The following MSH5 variants were observed in gnomAD, a reference collection of about 807,000 sequenced individuals.
MSH5 encodes the protein mutS homolog 5.
MSH5 carries 78 observed loss-of-function variants against 107.7 expected under a neutral mutation model. The observed-to-expected ratio is 0.72, with a 90% CI of 0.60 to 0.87. MSH5 has a LOEUF of 0.87. Among genes scored for constraint, MSH5 ranks in the 40% least tolerant of loss-of-function variants. The probability of loss-of-function intolerance (pLI) is 0.00; values close to 1 mark genes in which losing one functional copy is unlikely to be tolerated. For synonymous variants in MSH5, 326 were observed against 399.5 expected (o/e 0.82, Z 2.19); for missense variants, 889 against 1,046.6 (o/e 0.85, Z 2.08).
In MSH5 at chr6:31,744,031, A is replaced by T. The variant is rs2151337170; in HGVS notation, c.537+6A>T. 1 of 1,613,908 alleles carries T rather than the reference A, an allele frequency of 6.2e-7. No individual in the cohort carries two copies. The highest frequency in any genetic ancestry group is 1.7e-5 in the Admixed American group (1 of 59,980). The stretch of plus-strand genomic sequence containing the variant: ...CCTTTGACTGCCTCCTCACAGTGAG[A>T]TTGGTCCTGGGGGATAAGGGCTGGG... On this transcript the variant is annotated splice_donor_region_variant and intron_variant, in intron 6 of 24. Coordinates refer to ENST00000375750, the MANE Select transcript of MSH5 (RefSeq NM_172166.4).
Position 31,759,983 on chromosome 6 carries a change from T to C in MSH5, c.1685+8T>C. Reference sequence around the variant, plus strand: ...ACGAATCCAGAATGGCAGGTAAGAATAGAGGCGGGTGGAGGAATAGACATG... The same window carrying C: ...ACGAATCCAGAATGGCAGGTAAGAACAGAGGCGGGTGGAGGAATAGACATG... On this transcript the variant is annotated splice_region_variant and intron_variant, in intron 18 of 24. Transcript: ENST00000375750. This position sits in a 1 kb window ranked among gnomAD's most constrained non-coding sequence, Gnocchi z 4.7. 6.2e-7 allele frequency: 1 copy of C among 1,613,360 alleles called. No homozygotes were observed. Among genetic ancestry groups the C allele is most frequent in the African/African-American group, 1.3e-5 (1 of 75,024 alleles).
In MSH5 at chr6:31,759,821, C is replaced by T; in HGVS notation, c.1531C>T (p.Gln511Ter). The part of the protein sequence containing the change: ...ETLLMYQLQC[Q>*]VLARAAVLTR... ...GCTGCTGATGTACCAGCTACAGTGC[C>T]AGGTGCTGGCACGAGCAGCTGTCTT... Residue 511 changes from glutamine (Q) to a stop codon, truncating the protein, a stop_gained, in exon 18 of 25, where the codon CAG (glutamine) becomes TAG (stop). Coordinates refer to ENST00000375750, the MANE Select transcript of MSH5 (RefSeq NM_172166.4). LOFTEE classifies it high-confidence loss of function. This position sits in a 1 kb window ranked among gnomAD's most constrained non-coding sequence, Gnocchi z 4.7. 2 of 1,613,806 alleles carry T rather than the reference C, an allele frequency of 1.2e-6. No individual in the cohort carries two copies. Among genetic ancestry groups the T allele is most frequent in the Non-Finnish European group, 1.7e-6 (2 of 1,180,038 alleles).
Position 31,740,321 on chromosome 6 carries a change from C to T in MSH5, c.-13-133C>T, listed in dbSNP as rs575112404. ...GAATTCACCTCCTGTGTCCACAGCT[C>T]TCCACGCCCCTCAGCCCTGCCCCGC... On this transcript the variant is annotated intron_variant, in intron 1 of 24. Transcript: ENST00000375750. This position sits in a 1 kb window ranked among gnomAD's most constrained non-coding sequence, Gnocchi z 4.4. 1.1e-6 allele frequency: 1 copy of T among 883,300 alleles called. No individual in the cohort carries two copies. The highest frequency in any genetic ancestry group is 1.7e-6 in the Non-Finnish European group (1 of 597,718). 54.7% of individuals were successfully genotyped at this position (883,300 alleles called of 1,614,324 possible). A position where few individuals can be genotyped will look rare whatever the true frequency, so the allele number is the denominator to read the frequency against.
chr6:31,744,645 T>A, intron 8 of MSH5, 64 bp downstream of exon 8: 1 of 1,549,878 alleles, frequency 6.5e-7, no homozygotes, highest in African/African-American at 1.4e-5. Context: ...AATGCCCCAA[T>A]AATCCTAATG....
rs747545910 is a variant in MSH5, at chr6:31,758,134, G to A, written c.1015-31G>A. On this transcript the variant is annotated intron_variant, in intron 12 of 24. Transcript: ENST00000375750. The surrounding 1 kb of genome is among the most constrained non-coding windows in gnomAD (Gnocchi z 5.1). The stretch of plus-strand genomic sequence containing the variant: ...ACCACCTCAACCCGAGCTGGATGTG[G>A]CCTGTCCTCCTTTTTGTGTTTCTCT... The A allele has an allele frequency of 1.3e-5, 21 of 1,612,486 alleles. No individual in the cohort carries two copies. The highest frequency in any genetic ancestry group is 1.3e-5 in the Non-Finnish European group (15 of 1,179,812).
chr6:31,746,954 G>A (rs1456292074), intron 9 of MSH5, among the ~76,000 whole-genome samples: 1 of 152,066 alleles, frequency 6.6e-6, no homozygotes, highest in Non-Finnish European at 1.5e-5. Context: ...CGAGTAGCTG[G>A]GACTACAGGT....
chr6:31,740,573 C>A lies in MSH5; in HGVS notation c.107C>A (p.Ala36Asp). The change falls in exon 2 of 25, where the codon GCC becomes GAC. Residue 36 changes from alanine to aspartate, a missense_variant. Ala to Asp is a moderately radical substitution (Grantham distance 126, BLOSUM62 -2). Coordinates refer to ENST00000375750, the MANE Select transcript of MSH5 (RefSeq NM_172166.4). This position sits in a 1 kb window ranked among gnomAD's most constrained non-coding sequence, Gnocchi z 4.4. The part of the protein sequence containing the change: ...SPAPVPGPRE[A>D]EEEEVEEEEE... ...GCCCCAGTGCCGGGCCCCAGGGAGG[C>A]CGAGGAGGAGGAAGTCGAGGAGGAG... is the stretch of plus-strand genomic sequence containing the variant. 1 of 1,513,480 alleles carries A rather than the reference C, an allele frequency of 6.6e-7. No homozygotes were observed. The highest frequency in any genetic ancestry group is 1.4e-5 in the African/African-American group (1 of 70,166). 93.8% of individuals were successfully genotyped at this position (1,513,480 alleles called of 1,614,324 possible).
chr6:31,740,491 A>G lies in MSH5; in HGVS notation c.25A>G (p.Arg9Gly). The change falls in exon 2 of 25, where the codon AGG (arginine) becomes GGG (glycine). Residue 9 changes from arginine (R) to glycine (G), a missense_variant. By Grantham distance (125) the Arg-to-Gly change is moderately radical. This residue lies in a region of MSH5 where 518 missense variants were observed against 565.0 expected (regional missense o/e 0.92). Coordinates refer to ENST00000375750, the MANE Select transcript of MSH5 (RefSeq NM_172166.4). This position sits in a 1 kb window ranked among gnomAD's most constrained non-coding sequence, Gnocchi z 4.4. The part of the protein sequence containing the change: MASLGANP[R>G]RTPQGPRPGA... The stretch of plus-strand genomic sequence containing the variant: ...CATGGCCTCCTTAGGAGCGAACCCA[A>G]GGAGGACACCGCAGGGACCGAGACC... The G allele has an allele frequency of 1.3e-6, 2 of 1,568,830 alleles. No homozygotes were observed. The highest frequency in any genetic ancestry group is 2.4e-5 in the East Asian group (1 of 41,826).
intron 9 of MSH5, 31 bp downstream of exon 9, chr6:31,745,350 A>G: frequency 9.4e-6 from 14 of 1,487,448 alleles, no homozygotes; most frequent in Non-Finnish European, 1.2e-5. Flanking sequence ...ATCTCACATT[A>G]CAAAGACCTA....
chr6:31,743,007 G>A (rs777104638), intron 4 of MSH5, 50 bp downstream of exon 4: 3 of 1,609,706 alleles, frequency 1.9e-6, no homozygotes, highest in South Asian at 1.1e-5. Context: ...ACTAATATAT[G>A]GAATATTCCA....
chr6:31,743,052 A>G, intron 4 of MSH5, 56 bp from the exon 5 acceptor site: 1 of 1,610,790 alleles, frequency 6.2e-7, no homozygotes, highest in Non-Finnish European at 8.5e-7. Flanking sequence ...AGTGTCAGAC[A>G]GAGGTAGAAG....
chr6:31,760,588 C>CAA lies in MSH5; in HGVS notation c.1813-101_1813-100insAA, dbSNP rs894796745. On this transcript the variant is annotated intron_variant, in intron 19 of 24. Coordinates refer to ENST00000375750, the MANE Select transcript of MSH5 (RefSeq NM_172166.4). The surrounding 1 kb of genome is among the most constrained non-coding windows in gnomAD (Gnocchi z 5.6). ...TGTCTGTTACCTATTTCTCCTGTTT[C>CAA]ACCCTGTCCATTTCTCTTTGATGTG... The CAA allele has an allele frequency of 1.1e-4, 155 of 1,454,570 alleles. No individual in the cohort carries two copies. The African/African-American group carries it at 1.7e-3, about 16-fold the overall frequency. 90.1% of individuals were successfully genotyped at this position (1,454,570 alleles called of 1,614,324 possible).
rs747208052 is a variant in MSH5 at position 31,761,910 on chromosome 6, T to C, written c.2274T>C (p.Ala758=). ...VAKASHASHT[A]AQAGLPDKLV... ...AGGCCAGCCATGCCTCCCACACAGC[T>C]GCCCAGGCTGGGCTTCCTGACAAGC... The change falls in exon 23 of 25, where the codon GCT becomes GCC. Residue 758 remains alanine (A), a synonymous_variant. Coordinates refer to ENST00000375750, the MANE Select transcript of MSH5 (RefSeq NM_172166.4). This position sits in a 1 kb window ranked among gnomAD's most constrained non-coding sequence, Gnocchi z 5.3. 1.2e-6 allele frequency: 2 copies of C among 1,613,548 alleles called. No individual in the cohort carries two copies. The highest frequency in any genetic ancestry group is 4.5e-5 in the East Asian group (2 of 44,870).
chr6:31,744,233 G>A lies in MSH5; in HGVS notation c.581G>A (p.Arg194Lys). ...CTGCTGAAGTTCCTGGGTCGAAGAA[G>A]AATCGGGGTTGAACTGGAAGACTAT... is the stretch of plus-strand genomic sequence containing the variant. ...GGLLKFLGRR[R>K]IGVELEDYNV... Residue 194 changes from arginine to lysine, a missense_variant, in exon 7 of 25, where the codon AGA (arginine) becomes AAA (lysine). Transcript: ENST00000375750. The A allele has an allele frequency of 6.2e-7, 1 of 1,614,142 alleles. No individual in the cohort carries two copies. Among genetic ancestry groups the A allele is most frequent in the Non-Finnish European group, 8.5e-7 (1 of 1,180,008 alleles).
In MSH5 at chr6:31,760,016, C is replaced by G. The variant is rs1335508373; in HGVS notation, c.1685+41C>G. 3.7e-6 allele frequency: 6 copies of G among 1,612,306 alleles called. No individual in the cohort carries two copies. Among genetic ancestry groups the G allele is most frequent in the Non-Finnish European group, 2.5e-6 (3 of 1,178,948 alleles). On this transcript the variant is annotated intron_variant, in intron 18 of 24. Coordinates refer to ENST00000375750, the MANE Select transcript of MSH5 (RefSeq NM_172166.4). The surrounding 1 kb of genome is among the most constrained non-coding windows in gnomAD (Gnocchi z 5.6). Reference sequence around the variant, plus strand: ...GGTGGAGGAATAGACATGAGGGGCCCAAAGGCTACATCTTCTGGGGGTTCA... The same window carrying G: ...GGTGGAGGAATAGACATGAGGGGCCGAAAGGCTACATCTTCTGGGGGTTCA...
chr6:31,758,023 A>G lies in MSH5; in HGVS notation c.1015-142A>G. Reference sequence around the variant, plus strand: ...TTCAGTGTTTGGTACAGTGCCTCTCACTGTTTCTTTTTGCCTTTGAGATCT... The same window carrying G: ...TTCAGTGTTTGGTACAGTGCCTCTCGCTGTTTCTTTTTGCCTTTGAGATCT... On this transcript the variant is annotated intron_variant, in intron 12 of 24. Coordinates refer to ENST00000375750, the MANE Select transcript of MSH5 (RefSeq NM_172166.4). This position sits in a 1 kb window ranked among gnomAD's most constrained non-coding sequence, Gnocchi z 5.1. 2 of 996,238 alleles carry G rather than the reference A, an allele frequency of 2.0e-6. No individual in the cohort carries two copies. The highest frequency in any genetic ancestry group is 1.5e-6 in the Non-Finnish European group (1 of 667,548). 61.7% of individuals were successfully genotyped at this position (996,238 alleles called of 1,614,324 possible). A position where few individuals can be genotyped will look rare whatever the true frequency, so the allele number is the denominator to read the frequency against.
In MSH5 at chr6:31,761,260, A is replaced by AC; in HGVS notation, c.2036dup (p.Val680GlyfsTer54). ...TGATGAATTTGGAAAGGGAACCAAC[A>AC]CGGTGAGGGGAGAAACTGATGAGGG... On this transcript the variant is annotated frameshift_variant and splice_region_variant, in exon 21 of 25. Coordinates refer to ENST00000375750, the MANE Select transcript of MSH5 (RefSeq NM_172166.4). LOFTEE classifies it high-confidence loss of function. The surrounding 1 kb of genome is among the most constrained non-coding windows in gnomAD (Gnocchi z 5.3). 1.2e-6 allele frequency: 2 copies of AC among 1,613,668 alleles called. No homozygotes were observed. Among genetic ancestry groups the AC allele is most frequent in the Non-Finnish European group, 1.7e-6 (2 of 1,179,996 alleles).
chr6:31,757,738 G>A, intron 12 of MSH5: 1 of 208,584 alleles, frequency 4.8e-6, no homozygotes, highest in Non-Finnish European at 9.6e-6. Flanking sequence ...GCAATGGCGT[G>A]ATCTGGCTAT....
intron 5 of MSH5, 61 bp downstream of exon 5, chr6:31,743,231 C>T: frequency 6.5e-7 from 1 of 1,538,822 alleles, no homozygotes; most frequent in Admixed American, 1.7e-5. Context: ...TTTCCCCCAA[C>T]TCTACCTTCA....
Sources: gnomAD v4.1 joint callset for allele counts (sites outside exome capture counted in the v4.1 genomes callset) on GRCh38, gnomAD v4.1.1 for gene constraint, gnomAD v4.1.1 regional missense constraint, Gnocchi (gnomAD v3.1) non-coding constraint, MANE v1.5 for transcripts, NCBI Gene and HGNC (gene_info 2026-07-23, HGNC 2026-07-21) for gene names.